Variants in STRN3 observed in about 807,000 individuals in gnomAD.
STRN3 encodes striatin 3, also known as striatin-3.
Under a neutral mutation model 95.6 loss-of-function variants are expected in STRN3, and 29 were observed. The ratio of observed to expected loss-of-function variants is 0.30; its 90% CI spans 0.23 to 0.41. STRN3 has a LOEUF of 0.41. Ranked by LOEUF, STRN3 falls within the 10% of genes least tolerant of loss-of-function variation. The pLI, the probability that STRN3 is intolerant of heterozygous loss-of-function variation, is 1.00. For missense variants in STRN3, 890 were observed against 972.1 expected, an observed-to-expected ratio of 0.92 and a Z score of 1.12; for synonymous variants, 331 against 357.6, an observed-to-expected ratio of 0.93 and a Z score of 0.84.
intron 8 of STRN3, among the ~76,000 whole-genome samples, chr14:30,922,826 G>A (rs1023874806): frequency 6.7e-6 from 1 of 148,564 alleles, no homozygotes; most frequent in African/African-American, 2.5e-5. Flanking sequence ...AACTTCAGCT[G>A]CAAAGTGACT....
At chr14:30,985,980 G>A (rs1345302204) in intron 1 of STRN3, among the ~76,000 whole-genome samples, 1 of 151,936 alleles carries the variant, frequency 6.6e-6, no homozygotes, top group East Asian at 1.9e-4. Context: ...GTGTGCATGC[G>A]CTTTCTCTCT....
intron 13 of STRN3, among the ~76,000 whole-genome samples, chr14:30,910,265 C>G (rs1356874764): frequency 6.6e-6 from 1 of 152,204 alleles, no homozygotes; most frequent in Non-Finnish European, 1.5e-5. Context: ...CTCAACAGTA[C>G]TCTATCTTCT....
intron 5 of STRN3, among the ~76,000 whole-genome samples, chr14:30,946,492 C>T (rs972207453): frequency 7.9e-5 from 12 of 152,012 alleles, no homozygotes; most frequent in Non-Finnish European, 1.3e-4. Context: ...TGCCATGAGC[C>T]GACAGCACAC....
intron 1 of STRN3, among the ~76,000 whole-genome samples, chr14:31,019,779 A>T (rs1409693500): frequency 6.6e-6 from 1 of 152,198 alleles, no homozygotes; most frequent in Non-Finnish European, 1.5e-5. Context: ...GGGACTATAC[A>T]ATCCCCCAAA....
chr14:30,919,137 T>C (rs919309785), intron 8 of STRN3, 31 bp from the exon 9 acceptor site: 4 of 1,565,180 alleles, frequency 2.6e-6, no homozygotes, highest in African/African-American at 1.4e-5. Flanking sequence ...TAGAGGTTCA[T>C]TTAATGGCTA....
chr14:31,001,892 G>A (rs561413902), intron 1 of STRN3, among the ~76,000 whole-genome samples: 4 of 152,028 alleles, frequency 2.6e-5, no homozygotes, highest in Admixed American at 2.0e-4. Context: ...CAGGCCAGGC[G>A]TGGTGGCTCA....
chr14:30,981,854 G>A (rs758424135), intron 1 of STRN3, among the ~76,000 whole-genome samples: 18 of 152,140 alleles, frequency 1.2e-4, no homozygotes, highest in Admixed American at 9.8e-4. Context: ...TAGCACTTTC[G>A]GAGGCCAAGG....
chr14:30,902,804 T>A (rs1356513591), intron 15 of STRN3, among the ~76,000 whole-genome samples, 161 bp from the exon 16 acceptor site: 1 of 152,268 alleles, frequency 6.6e-6, no homozygotes, highest in South Asian at 2.1e-4. Context: ...GAGAGATTTT[T>A]AAAAAATAAA....
chr14:30,934,596 T>C (rs1345962842), intron 7 of STRN3, among the ~76,000 whole-genome samples: 1 of 152,194 alleles, frequency 6.6e-6, no homozygotes, highest in East Asian at 1.9e-4. Flanking sequence ...ACTTCCAAAG[T>C]TTAGGCCCTA....
At chr14:30,940,553 T>C (rs1879044417) in intron 5 of STRN3, among the ~76,000 whole-genome samples, 1 of 152,208 alleles carries the variant, frequency 6.6e-6, no homozygotes, top group Admixed American at 6.5e-5. Context: ...CTTTTCAATG[T>C]AGTCTAATTT....
At position 31,026,015 on chromosome 14, in the gene STRN3, C is replaced by T; in HGVS notation, c.171G>A (p.Leu57=). ...EGAGPAAGPE[L]SRPQQYTIPG... The stretch of plus-strand genomic sequence containing the variant: ...GGATAGTGTACTGCTGCGGCCGGGA[C>T]AGCTCGGGGCCTGCCGCGGGACCCG... Residue 57 remains leucine (L), a synonymous_variant, in exon 1 of 18, where the codon CTG becomes CTA. Coordinates refer to ENST00000357479, the MANE Select transcript of STRN3 (RefSeq NM_001083893.2). The T allele has an allele frequency of 6.5e-7, 1 of 1,546,018 alleles. No individual in the cohort carries two copies. The highest frequency in any genetic ancestry group is 8.7e-7 in the Non-Finnish European group (1 of 1,145,136).
intron 8 of STRN3, among the ~76,000 whole-genome samples, chr14:30,922,246 T>C (rs983721359): frequency 6.6e-6 from 1 of 152,118 alleles, no homozygotes; most frequent in Admixed American, 6.5e-5. Context: ...TAGCCTGGTA[T>C]TGAGCTCCTG....
At chr14:30,991,574 G>C (rs189849871) in intron 1 of STRN3, among the ~76,000 whole-genome samples, 15 of 152,276 alleles carry the variant, frequency 9.9e-5, no homozygotes, top group Admixed American at 7.8e-4. Flanking sequence ...AGAGAACTCA[G>C]ATCAAATGGG....
At chr14:31,005,170 A>G (rs1163502594) in intron 1 of STRN3, among the ~76,000 whole-genome samples, 3 of 152,098 alleles carry the variant, frequency 2.0e-5, no homozygotes, top group Non-Finnish European at 4.4e-5. Flanking sequence ...CATCTCTACT[A>G]AAAATACAAA....
intron 1 of STRN3, among the ~76,000 whole-genome samples, chr14:30,967,040 G>A (rs1193967638): frequency 1.3e-5 from 2 of 151,600 alleles, no homozygotes; most frequent in Non-Finnish European, 2.9e-5. Flanking sequence ...TGGTTTGAGG[G>A]GTTGAGGCTT....
At chr14:30,961,567 A>G (rs1430050736) in intron 1 of STRN3, among the ~76,000 whole-genome samples, 2 of 152,218 alleles carry the variant, frequency 1.3e-5, no homozygotes, top group Non-Finnish European at 2.9e-5. Context: ...GTCATACAGA[A>G]GTACAATACA....
At chr14:31,025,093 T>A (rs1883734087) in intron 1 of STRN3, 1 of 152,148 alleles carries the variant, frequency 6.6e-6, no homozygotes, top group Non-Finnish European at 1.5e-5. Context: ...ACGTTTCACT[T>A]CAAGGGAATA....
chr14:30,942,966 TA>T (rs1879166370), intron 5 of STRN3, among the ~76,000 whole-genome samples: 1 of 152,252 alleles, frequency 6.6e-6, no homozygotes, highest in African/African-American at 2.4e-5. Flanking sequence ...TGATGGCTAG[TA>T]ACTAGTGGTT....
intron 1 of STRN3, among the ~76,000 whole-genome samples, chr14:30,988,738 A>G (rs1020099908): frequency 6.6e-6 from 1 of 152,106 alleles, no homozygotes; most frequent in African/African-American, 2.4e-5. Context: ...ATTATCCTAC[A>G]TTTTCAAGCT....
Sources: gnomAD v4.1 joint callset for allele counts (sites outside exome capture counted in the v4.1 genomes callset) on GRCh38, gnomAD v4.1.1 for gene constraint, MANE v1.5 for transcripts, NCBI Gene and HGNC (gene_info 2026-07-23, HGNC 2026-07-21) for gene names.